Variants in RPS6KC1 observed in about 807,000 individuals in gnomAD.
RPS6KC1 encodes ribosomal protein S6 kinase C1.
A neutral mutation model predicts 103.8 loss-of-function variants in RPS6KC1; 54 were observed. The ratio of observed to expected loss-of-function variants is 0.52; its 90% CI spans 0.42 to 0.65. The LOEUF (loss-of-function observed/expected upper bound fraction) is 0.65, where lower values mean the gene tolerates loss of function less well. Ranked by LOEUF, RPS6KC1 falls within the 30% of genes least tolerant of loss-of-function variation. RPS6KC1 has a pLI of 0.00. For synonymous variants in RPS6KC1, 439 were observed against 438.7 expected (o/e 1.00, Z -0.01); for missense variants, 1,151 against 1,253.8 (o/e 0.92, Z 1.24).
chr1:213,829,587 G>A, the RPS6KC1 span, among the ~76,000 whole-genome samples: 1 of 152,150 alleles, frequency 6.6e-6, no homozygotes, highest in Non-Finnish European at 1.5e-5. Context: ...GTCAGAAATT[G>A]GGGATTGACG....
At chr1:213,217,112 G>C (rs2093686110) in intron 8 of RPS6KC1, among the ~76,000 whole-genome samples, 1 of 151,550 alleles carries the variant, frequency 6.6e-6, no homozygotes, top group Non-Finnish European at 1.5e-5. Context: ...CAACAAAATT[G>C]ATAGACAGCT....
chr1:213,334,489 A>T, the RPS6KC1 span, among the ~76,000 whole-genome samples: 2 of 152,214 alleles, frequency 1.3e-5, no homozygotes, highest in Non-Finnish European at 2.9e-5. Flanking sequence ...GCTTTTCCTT[A>T]GCTGAATCCC....
chr1:213,306,315 A>G, the RPS6KC1 span, among the ~76,000 whole-genome samples: 1 of 152,202 alleles, frequency 6.6e-6, no homozygotes, highest in South Asian at 2.1e-4. Flanking sequence ...ACATATTGGT[A>G]AGCATTATGT....
chr1:213,668,182 T>A, the RPS6KC1 span, among the ~76,000 whole-genome samples: 2 of 152,164 alleles, frequency 1.3e-5, no homozygotes, highest in African/African-American at 2.4e-5. Flanking sequence ...TTTGCCCAGA[T>A]CCATCAGAGG....
the RPS6KC1 span, among the ~76,000 whole-genome samples, chr1:213,527,971 T>C: frequency 9.9e-5 from 15 of 152,256 alleles, no homozygotes; most frequent in South Asian, 3.1e-3. Flanking sequence ...TGAAAGTGAT[T>C]CATCATAAAG....
chr1:213,515,505 G>C, the RPS6KC1 span, among the ~76,000 whole-genome samples: 1 of 152,130 alleles, frequency 6.6e-6, no homozygotes, highest in African/African-American at 2.4e-5. Flanking sequence ...CCCATTTCTT[G>C]TTTTTGTCAG....
At chr1:213,494,403 G>A in the RPS6KC1 span, among the ~76,000 whole-genome samples, 1 of 152,024 alleles carries the variant, frequency 6.6e-6, no homozygotes, top group Non-Finnish European at 1.5e-5. Context: ...TAAAAGCAAA[G>A]TCTGCAGGAT....
chr1:213,209,348 G>A (rs1184052598), intron 8 of RPS6KC1, among the ~76,000 whole-genome samples: 3 of 152,054 alleles, frequency 2.0e-5, no homozygotes, highest in African/African-American at 4.8e-5. Context: ...TGGATTTCAC[G>A]CAAGAAAGAA....
the RPS6KC1 span, among the ~76,000 whole-genome samples, chr1:213,644,714 G>A: frequency 6.6e-6 from 1 of 152,120 alleles, no homozygotes; most frequent in Non-Finnish European, 1.5e-5. Context: ...AATGTCCTAG[G>A]AGTGGAATTG....
chr1:213,449,812 G>T, the RPS6KC1 span, among the ~76,000 whole-genome samples: 1 of 152,166 alleles, frequency 6.6e-6, no homozygotes, highest in Non-Finnish European at 1.5e-5. Flanking sequence ...CCTTCCACCC[G>T]TGGTGACGTT....
the RPS6KC1 span, among the ~76,000 whole-genome samples, chr1:213,297,663 C>G: frequency 2.6e-5 from 4 of 152,126 alleles, no homozygotes; most frequent in Non-Finnish European, 5.9e-5. Flanking sequence ...GGATCTTACT[C>G]TGTCACCTAG....
intron 5 of RPS6KC1, among the ~76,000 whole-genome samples, chr1:213,118,453 A>AAG (rs2083960952): frequency 6.6e-6 from 1 of 152,172 alleles, no homozygotes; most frequent in Non-Finnish European, 1.5e-5. Context: ...TTTCATGAGT[A>AAG]AGAGTTTATG....
At chr1:213,526,323 G>C in the RPS6KC1 span, among the ~76,000 whole-genome samples, 1 of 152,176 alleles carries the variant, frequency 6.6e-6, no homozygotes. Context: ...TTGGGAGAGA[G>C]AGAGCGTACT....
the RPS6KC1 span, among the ~76,000 whole-genome samples, chr1:213,285,655 G>C: frequency 6.6e-6 from 1 of 152,162 alleles, no homozygotes; most frequent in African/African-American, 2.4e-5. Context: ...CTTGGTGGTG[G>C]TGGTATTGTT....
the RPS6KC1 span, among the ~76,000 whole-genome samples, chr1:213,578,392 T>C: frequency 3.3e-5 from 5 of 152,184 alleles, no homozygotes. Context: ...CACTGCCTAG[T>C]AGAGCTGTGA....
chr1:213,353,379 T>C, the RPS6KC1 span, among the ~76,000 whole-genome samples: 1 of 152,264 alleles, frequency 6.6e-6, no homozygotes, highest in Admixed American at 6.5e-5. Flanking sequence ...AATCTTCTGA[T>C]GTAACTACTG....
chr1:213,797,370 G>A, the RPS6KC1 span, among the ~76,000 whole-genome samples: 1 of 152,176 alleles, frequency 6.6e-6, no homozygotes, highest in African/African-American at 2.4e-5. Flanking sequence ...GTTCATCACA[G>A]CTAATTTATA....
Position 213,214,064 on chromosome 1 carries a change from G to A in RPS6KC1, c.1045-16433G>A, listed in dbSNP as rs189169308. 3.1e-3 allele frequency among the ~76,000 whole-genome samples: 467 copies of A among 152,148 alleles called. 9 individuals carry two copies. The highest frequency in any genetic ancestry group is 1.6e-3 in the Non-Finnish European group (108 of 68,016). Reference sequence around the variant, plus strand: ...GGGTGCAGCGCACCGAGCATGAGCCGAAGCAGGGCGAGGCATCGCCTCACC... The same window carrying A: ...GGGTGCAGCGCACCGAGCATGAGCCAAAGCAGGGCGAGGCATCGCCTCACC... On this transcript the variant is annotated intron_variant, in intron 8 of 14. Transcript: ENST00000366960.
the RPS6KC1 span, among the ~76,000 whole-genome samples, chr1:213,545,371 C>CAAATAAATAAAT: frequency 0.012 from 1,400 of 119,568 alleles, 18 homozygotes; most frequent in East Asian, 0.049. Flanking sequence ...AACTCTGTCT[C>CAAATAAATAAAT]AAATAAATAA....
Sources: allele counts gnomAD v4.1 joint callset (sites outside exome capture counted in the v4.1 genomes callset), GRCh38; gene constraint gnomAD v4.1.1; transcripts MANE v1.5; gene names NCBI Gene and HGNC (gene_info 2026-07-23, HGNC 2026-07-21).